GFPT2: variants seen among roughly 807,000 people sequenced by gnomAD.
GFPT2 encodes glutamine--fructose-6-phosphate transaminase 2.
A neutral mutation model predicts 85.6 loss-of-function variants in GFPT2; 62 were observed. That is an observed-to-expected ratio of 0.72 (90% CI 0.59 to 0.90). GFPT2 has a LOEUF of 0.90. Ranked by LOEUF, GFPT2 falls within the 40% of genes least tolerant of loss-of-function variation. The probability of loss-of-function intolerance (pLI) is 0.00; values close to 1 mark genes in which losing one functional copy is unlikely to be tolerated. For missense variants in GFPT2, 788 were observed against 893.4 expected (o/e 0.88, Z 1.50); for synonymous variants, 368 against 344.5 (o/e 1.07, Z -0.75).
chr5:180,328,962 A>G lies in GFPT2; in HGVS notation c.535-624T>C, dbSNP rs1764259479. Among the ~76,000 whole-genome samples, 1 of 152,308 alleles carries G rather than the reference A, an allele frequency of 6.6e-6. No individual in the cohort carries two copies. The highest frequency in any genetic ancestry group is 2.1e-4 in the South Asian group (1 of 4,824). ...TATCCTTTCCATGGATACGACTGCC[A>G]CCTGCCCTCTGGGCCTCAGCTGGTT... On this transcript the variant is annotated intron_variant, in intron 6 of 18. Coordinates refer to ENST00000253778, the MANE Select transcript of GFPT2 (RefSeq NM_005110.4). The surrounding 1 kb of genome is among the most constrained non-coding windows in gnomAD (Gnocchi z 5.4).
intron 4 of GFPT2, among the ~76,000 whole-genome samples, chr5:180,332,247 G>A (rs13157758): frequency 2.0e-5 from 3 of 147,774 alleles, no homozygotes; most frequent in Non-Finnish European, 3.0e-5. Flanking sequence ...GCGGGGGGGC[G>A]GGGGGAGCAG....
intron 4 of GFPT2, among the ~76,000 whole-genome samples, chr5:180,332,699 G>A (rs1333774583): frequency 1.3e-4 from 20 of 152,032 alleles, no homozygotes; most frequent in Admixed American, 3.9e-4. Context: ...CACCACACCC[G>A]GCTAATTTTT....
Position 180,330,820 on chromosome 5 carries a change from G to A in GFPT2, c.414C>T (p.Tyr138=), listed in dbSNP as rs773351784. 8 of 1,613,830 alleles carry A rather than the reference G, an allele frequency of 5.0e-6. No individual in the cohort carries two copies. The highest frequency in any genetic ancestry group is 3.3e-5 in the Admixed American group (2 of 60,018). Residue 138 remains tyrosine (Y), a synonymous_variant, in exon 6 of 19, where the codon TAC becomes TAT. Coordinates refer to ENST00000253778, the MANE Select transcript of GFPT2 (RefSeq NM_005110.4). This position sits in a 1 kb window ranked among gnomAD's most constrained non-coding sequence, Gnocchi z 4.4. ...DLRKFLESKG[Y]EFESETDTET... Reference sequence around the variant, plus strand: ...CTGTATCTGTTTCTGACTCAAACTCGTAGCCTTTGCTTTCCTGGAATATGC... The same window carrying A: ...CTGTATCTGTTTCTGACTCAAACTCATAGCCTTTGCTTTCCTGGAATATGC...
chr5:180,349,326 C>A (rs1438526625), intron 1 of GFPT2, among the ~76,000 whole-genome samples: 1 of 151,934 alleles, frequency 6.6e-6, no homozygotes, highest in Non-Finnish European at 1.5e-5. Context: ...AAATAAAATA[C>A]CTAAATAGTT....
chr5:180,347,439 T>C (rs548468971), intron 1 of GFPT2, among the ~76,000 whole-genome samples: 20 of 151,758 alleles, frequency 1.3e-4, no homozygotes, highest in Admixed American at 4.6e-4. Flanking sequence ...ATCCTCAAAA[T>C]TGATAGATAA....
Position 180,330,883 on chromosome 5 carries a change from C to T in GFPT2, c.400-49G>A, listed in dbSNP as rs377413563. On this transcript the variant is annotated intron_variant, in intron 5 of 18. Coordinates refer to ENST00000253778, the MANE Select transcript of GFPT2 (RefSeq NM_005110.4). The surrounding 1 kb of genome is among the most constrained non-coding windows in gnomAD (Gnocchi z 4.4). ...GTGAGAGATTGGTCATTGCACAATG[C>T]CTGCCTGGCCAACTCCCTCTCCTCC... 6 of 1,571,240 alleles carry T rather than the reference C, an allele frequency of 3.8e-6. No individual in the cohort carries two copies. The African/African-American group carries it at 6.7e-5, about 18-fold the overall frequency.
At chr5:180,325,640 G>A (rs1429436836) in intron 7 of GFPT2, among the ~76,000 whole-genome samples, 12 of 152,158 alleles carry the variant, frequency 7.9e-5, no homozygotes, top group African/African-American at 1.2e-4. Flanking sequence ...ACTGCAGCCC[G>A]GCTCTCTGAG....
In GFPT2 at chr5:180,323,597, A is replaced by T. The variant is rs1319301835; in HGVS notation, c.794+591T>A. On this transcript the variant is annotated intron_variant, in intron 9 of 18. Coordinates refer to ENST00000253778, the MANE Select transcript of GFPT2 (RefSeq NM_005110.4). The surrounding 1 kb of genome is among the most constrained non-coding windows in gnomAD (Gnocchi z 4.0). ...AACTTTTTTTTTTTCTGAAATGAGT[A>T]TAAAGCAGAATTTCTCAAATTTCAA... Among the ~76,000 whole-genome samples, 1 of 151,884 alleles carries T rather than the reference A, an allele frequency of 6.6e-6. No homozygotes were observed. The highest frequency in any genetic ancestry group is 1.5e-5 in the Non-Finnish European group (1 of 67,980).
At chr5:180,317,417 G>A (rs1463315305) in intron 10 of GFPT2, among the ~76,000 whole-genome samples, 1 of 152,154 alleles carries the variant, frequency 6.6e-6, no homozygotes, top group Non-Finnish European at 1.5e-5. Flanking sequence ...CAGGCCCAAA[G>A]AAACAGGCAA....
At chr5:180,332,922 T>C (rs879659076) in intron 4 of GFPT2, among the ~76,000 whole-genome samples, 5 of 152,226 alleles carry the variant, frequency 3.3e-5, no homozygotes, top group African/African-American at 9.7e-5. Context: ...ACAGCATCTT[T>C]TGAAATCTTT....
In GFPT2 at chr5:180,318,486, A is replaced by G; in HGVS notation, c.958+307T>C. The G allele has an allele frequency of 2.9e-6, 1 of 340,942 alleles. No individual in the cohort carries two copies. The allele number at this position is 340,942 out of a possible 1,614,324, so 21.1% of individuals were successfully genotyped here. A position where few individuals can be genotyped will look rare whatever the true frequency, so the allele number is the denominator to read the frequency against. On this transcript the variant is annotated intron_variant, in intron 10 of 18. Coordinates refer to ENST00000253778, the MANE Select transcript of GFPT2 (RefSeq NM_005110.4). The surrounding 1 kb of genome is among the most constrained non-coding windows in gnomAD (Gnocchi z 4.2). ...CCTGCAGACTTCCACCCAGAGGAGAAATGATGCCTGAGGGTGGGCATGTGT... is the reference window on the plus strand; with the variant it reads ...CCTGCAGACTTCCACCCAGAGGAGAGATGATGCCTGAGGGTGGGCATGTGT...
At chr5:180,312,247 A>G (rs112435021) in intron 15 of GFPT2, among the ~76,000 whole-genome samples, 183 bp downstream of exon 15, 10,343 of 105,102 alleles carry the variant, frequency 0.098, 1,842 homozygotes, top group East Asian at 0.26. Flanking sequence ...GCGCAGGGGG[A>G]GGTGGGGGCC....
At chr5:180,327,904 A>T (rs1293919142) in intron 7 of GFPT2, among the ~76,000 whole-genome samples, 2 of 152,148 alleles carry the variant, frequency 1.3e-5, no homozygotes, top group East Asian at 3.9e-4. Flanking sequence ...CCCTAGTTTC[A>T]TGTTCATAAT....
Position 180,330,928 on chromosome 5 carries a change from G to A in GFPT2, c.400-94C>T, listed in dbSNP as rs2127653945. ...TCCTCCCTGGTGATCTGCCCTTGGA[G>A]TGACTTAAGTCAAGAACAGGGAAAA... On this transcript the variant is annotated intron_variant, in intron 5 of 18. Transcript: ENST00000253778. The surrounding 1 kb of genome is among the most constrained non-coding windows in gnomAD (Gnocchi z 4.4). 1 of 1,165,480 alleles carries A rather than the reference G, an allele frequency of 8.6e-7. No individual in the cohort carries two copies. Among genetic ancestry groups the A allele is most frequent in the Non-Finnish European group, 1.2e-6 (1 of 810,874 alleles). The allele number at this position is 1,165,480 out of a possible 1,614,324, so 72.2% of individuals were successfully genotyped here. A position where few individuals can be genotyped will look rare whatever the true frequency, so the allele number is the denominator to read the frequency against.
In GFPT2 at chr5:180,317,715, C is replaced by CG. The variant is rs1298925448; in HGVS notation, c.959-658dup. On this transcript the variant is annotated intron_variant, in intron 10 of 18. Coordinates refer to ENST00000253778, the MANE Select transcript of GFPT2 (RefSeq NM_005110.4). Reference sequence around the variant, plus strand: ...CGGAGCTTGCAGTGAGCCGAGATCGCGCCACAGCACTCCAGCCTGGGCGAC... The same window carrying CG: ...CGGAGCTTGCAGTGAGCCGAGATCGCGGCCACAGCACTCCAGCCTGGGCGAC... Among the ~76,000 whole-genome samples, 13 of 122,936 alleles carry CG rather than the reference C, an allele frequency of 1.1e-4. 1 individual carries two copies. Among genetic ancestry groups the CG allele is most frequent in the Middle Eastern group, 3.7e-3 (1 of 270 alleles). The allele number at this position is 122,936 out of a possible 152,430, so 80.7% of individuals were successfully genotyped here. A position where few individuals can be genotyped will look rare whatever the true frequency, so the allele number is the denominator to read the frequency against.
At chr5:180,312,386 T>C (rs764699733) in intron 15 of GFPT2, 44 bp downstream of exon 15, 1 of 971,218 alleles carries the variant, frequency 1.0e-6, no homozygotes, top group Non-Finnish European at 1.7e-6. Context: ...CCAGCAACAG[T>C]CCACTAGATC....
intron 18 of GFPT2, among the ~76,000 whole-genome samples, chr5:180,302,043 C>A (rs1763683372): frequency 6.6e-6 from 1 of 151,376 alleles, no homozygotes. Context: ...GTAATCCCAG[C>A]ACTTTGGGAG....
At chr5:180,352,904 G>C (rs1381342243) in intron 1 of GFPT2, 12 of 451,430 alleles carry the variant, frequency 2.7e-5, no homozygotes, top group African/African-American at 1.9e-4. Context: ...TCTGTTACGG[G>C]GTCCAGGCCG....
chr5:180,317,775 A>C (rs1289668762), intron 10 of GFPT2, among the ~76,000 whole-genome samples: 1 of 151,516 alleles, frequency 6.6e-6, no homozygotes, highest in Non-Finnish European at 1.5e-5. Context: ...AAAAAAAAAA[A>C]AACCTTTCCA....
Sources: allele counts gnomAD v4.1 joint callset (sites outside exome capture counted in the v4.1 genomes callset), GRCh38; gene constraint gnomAD v4.1.1; non-coding constraint Gnocchi (gnomAD v3.1); transcripts MANE v1.5; gene names NCBI Gene and HGNC (gene_info 2026-07-23, HGNC 2026-07-21).